RBFOX1: variants seen among roughly 807,000 people sequenced by gnomAD.
RBFOX1 encodes the protein RNA binding fox-1 homolog 1.
In RBFOX1, 8 loss-of-function variants were observed where a neutral mutation model predicts 57.7. The ratio of observed to expected loss-of-function variants is 0.14; its 90% confidence interval spans 0.08 to 0.25. RBFOX1 has a LOEUF of 0.25. Among genes scored for constraint, RBFOX1 ranks in the 10% least tolerant of loss-of-function variants. The pLI, the probability that RBFOX1 is intolerant of heterozygous loss-of-function variation, is 1.00. For synonymous variants in RBFOX1, 326 were observed against 222.4 expected, an observed-to-expected ratio of 1.47 and a Z score of -4.15; for missense variants, 611 against 548.5, an observed-to-expected ratio of 1.11 and a Z score of -1.14.
chr16:6,406,708 A>T (rs1027762110), intron 2 of RBFOX1, among the ~76,000 whole-genome samples: 2 of 152,056 alleles, frequency 1.3e-5, no homozygotes, highest in Non-Finnish European at 2.9e-5. Context: ...TGCTGTGGAT[A>T]GAGGATGCTG....
chr16:7,653,161 T>C (rs1053898601), intron 11 of RBFOX1, among the ~76,000 whole-genome samples: 1 of 152,218 alleles, frequency 6.6e-6, no homozygotes, highest in South Asian at 2.1e-4. Flanking sequence ...TACATAGGTA[T>C]ATGATTGATA....
chr16:5,280,947 A>G (rs1389319360), intron 1 of RBFOX1, among the ~76,000 whole-genome samples: 2 of 4,794 alleles, frequency 4.2e-4, no homozygotes, highest in South Asian at 0.024. Context: ...TGGTTCTGCT[A>G]TGTTATTTAT....
rs114171338 is a variant in RBFOX1, at chr16:5,494,719, G to T, written c.258+27465G>T. On this transcript the variant is annotated intron_variant, in intron 2 of 2. Transcript: ENST00000585867. ...TACTGAAGACTAGAAACAGATTAGG[G>T]TGAAAGCCAACCAGATGGTGGTCCA... Among the ~76,000 whole-genome samples, 569 of 152,288 alleles carry T rather than the reference G, an allele frequency of 3.7e-3. 11 individuals are homozygous for T. Among genetic ancestry groups the T allele is most frequent in the African/African-American group, 0.013 (545 of 41,574 alleles).
At chr16:6,626,589 G>A (rs916669355) in intron 2 of RBFOX1, among the ~76,000 whole-genome samples, 1 of 152,054 alleles carries the variant, frequency 6.6e-6, no homozygotes, top group African/African-American at 2.4e-5. Context: ...GTGAAACCCT[G>A]TCTCTACTAA....
intron 1 of RBFOX1, among the ~76,000 whole-genome samples, chr16:6,153,182 G>A (rs1348346005): frequency 6.6e-6 from 1 of 151,732 alleles, no homozygotes; most frequent in Non-Finnish European, 1.5e-5. Flanking sequence ...CCCTGAATCC[G>A]ATTTGTAGAA....
At chr16:6,733,015 A>G (rs62017574) in intron 3 of RBFOX1, among the ~76,000 whole-genome samples, 1 of 152,202 alleles carries the variant, frequency 6.6e-6, no homozygotes, top group African/African-American at 2.4e-5. Flanking sequence ...TTTAAAGGTT[A>G]GGTACATAGT....
intron 4 of RBFOX1, among the ~76,000 whole-genome samples, chr16:7,465,032 C>G (rs544724611): frequency 3.3e-5 from 5 of 152,086 alleles, no homozygotes; most frequent in South Asian, 2.1e-4. Flanking sequence ...TTGCCTTAAG[C>G]TAGCATGTTA....
chr16:5,324,278 C>G (rs149380998), intron 1 of RBFOX1, among the ~76,000 whole-genome samples: 7 of 152,310 alleles, frequency 4.6e-5, no homozygotes, highest in African/African-American at 1.7e-4. Flanking sequence ...GCCCGGCCAA[C>G]ATGGTGAAAC....
intron 2 of RBFOX1, among the ~76,000 whole-genome samples, chr16:5,594,742 A>G (rs1423412123): frequency 6.6e-6 from 1 of 152,144 alleles, no homozygotes; most frequent in East Asian, 1.9e-4. Flanking sequence ...AGTTGGCCCT[A>G]AACAGTTCCT....
At chr16:6,883,607 G>T (rs990389122) in intron 3 of RBFOX1, among the ~76,000 whole-genome samples, 1 of 152,144 alleles carries the variant, frequency 6.6e-6, no homozygotes, top group Non-Finnish European at 1.5e-5. Context: ...CCCTCAAGCT[G>T]TTCTACTCTG....
At chr16:7,203,884 G>C (rs180841190) in intron 4 of RBFOX1, among the ~76,000 whole-genome samples, 153 of 152,286 alleles carry the variant, frequency 1.0e-3, no homozygotes, top group Middle Eastern at 3.4e-3. Flanking sequence ...CCTCAGAAGG[G>C]GCTGAAGTCA....
intron 4 of RBFOX1, chr16:7,431,165 C>T (rs1387242392): frequency 1.3e-5 from 2 of 152,142 alleles, no homozygotes; most frequent in African/African-American, 2.4e-5. Context: ...GTGATTATCT[C>T]GTTTGATTCC....
intron 3 of RBFOX1, among the ~76,000 whole-genome samples, chr16:6,740,987 C>T (rs528745978): frequency 2.0e-5 from 3 of 152,146 alleles, no homozygotes; most frequent in Non-Finnish European, 4.4e-5. Flanking sequence ...TAACTCCAGT[C>T]ATCATCGCTA....
At chr16:6,001,425 T>C (rs562976259) in intron 4 of RBFOX1, among the ~76,000 whole-genome samples, 1 of 152,308 alleles carries the variant, frequency 6.6e-6, no homozygotes, top group South Asian at 2.1e-4. Flanking sequence ...GTGCCTTCCA[T>C]GGGCCACACA....
At chr16:5,815,477 C>T (rs1270723847) in intron 3 of RBFOX1, among the ~76,000 whole-genome samples, 6 of 152,110 alleles carry the variant, frequency 3.9e-5, no homozygotes, top group African/African-American at 1.4e-4. Context: ...AGAAAAGAGC[C>T]TGAAAAATGA....
chr16:5,459,725 A>C (rs77937468), intron 1 of RBFOX1, among the ~76,000 whole-genome samples: 1 of 152,246 alleles, frequency 6.6e-6, no homozygotes, highest in African/African-American at 2.4e-5. Context: ...ACATACACAC[A>C]TGCACGCACA....
chr16:5,969,695 T>G (rs1388691617), intron 4 of RBFOX1, among the ~76,000 whole-genome samples: 1 of 152,068 alleles, frequency 6.6e-6, no homozygotes, highest in African/African-American at 2.4e-5. Flanking sequence ...CAGAGCTCCC[T>G]CTTTTGTTGT....
chr16:6,612,016 C>A lies in RBFOX1; in HGVS notation c.-63-42587C>A, dbSNP rs150043219. Among the ~76,000 whole-genome samples the A allele has an allele frequency of 4.7e-4, 71 of 152,204 alleles. 1 individual carries two copies. In the East Asian group the frequency reaches 0.013, roughly 28 times the overall value. The stretch of plus-strand genomic sequence containing the variant: ...CCCGAGTCCCCTTGATGAAAAAATT[C>A]CTTTTGGTTGAAAAGTCCCGGAATA... On this transcript the variant is annotated intron_variant, in intron 2 of 15. Transcript: ENST00000550418.
chr16:6,331,230 G>A (rs560406430), intron 2 of RBFOX1, among the ~76,000 whole-genome samples: 5 of 152,250 alleles, frequency 3.3e-5, no homozygotes, highest in South Asian at 2.1e-4. Flanking sequence ...GCAGGTGGAC[G>A]TGGTCAGGAG....
Sources: allele counts gnomAD v4.1 joint callset (sites outside exome capture counted in the v4.1 genomes callset), GRCh38; gene constraint gnomAD v4.1.1; transcripts MANE v1.5; gene names NCBI Gene and HGNC (gene_info 2026-07-23, HGNC 2026-07-21).